DLG4: variants seen among roughly 807,000 people sequenced by gnomAD.
DLG4 encodes disks large homolog 4.
DLG4 carries 7 observed loss-of-function variants against 93.8 expected under a neutral mutation model. The observed-to-expected ratio is 0.07, with a 90% confidence interval of 0.04 to 0.14. The LOEUF is 0.14. Among genes scored for constraint, DLG4 ranks in the 10% least tolerant of loss-of-function variants. DLG4 has a pLI of 1.00. For synonymous variants in DLG4, 341 were observed against 387.6 expected (o/e 0.88, Z 1.41); for missense variants, 545 against 992.9 (o/e 0.55, Z 6.06).
chr17:7,194,422 C>T lies in DLG4; in HGVS notation c.1375G>A (p.Val459Met). The change falls in exon 12 of 20, where the codon GTG becomes ATG. Residue 459 changes from valine (V) to methionine (M), a missense_variant. By Grantham distance (21) the Val-to-Met change is conservative. Around this residue, in one of 5 missense-constraint regions of DLG4, gnomAD observed 428 missense variants for 741.4 expected, o/e 0.58. Coordinates refer to ENST00000399506, the MANE Select transcript of DLG4 (RefSeq NM_001321075.3). The surrounding 1 kb of genome is among the most constrained non-coding windows in gnomAD (Gnocchi z 4.4). The stretch of plus-strand genomic sequence containing the variant: ...TCACTAGCATCGATGACATGCAGCA[C>T]ATCCCCAAAGCGGAAGCTCAGGGCC... ...SQALSFRFGD[V>M]LHVIDASDEE... 6.2e-7 allele frequency: 1 copy of T among 1,612,730 alleles called. No homozygotes were observed. Among genetic ancestry groups the T allele is most frequent in the Non-Finnish European group, 8.5e-7 (1 of 1,179,436 alleles).
Position 7,194,157 on chromosome 17 carries a change from C to A in DLG4, c.1479-157G>T, listed in dbSNP as rs954950100. On this transcript the variant is annotated intron_variant, in intron 12 of 19. Transcript: ENST00000399506. The surrounding 1 kb of genome is among the most constrained non-coding windows in gnomAD (Gnocchi z 4.4). ...ACTGTGCTCCTCAATAAGGAGTTGTCCTTCCCAAAGGCTCATGGGAGCCAC... is the reference window on the plus strand; with the variant it reads ...ACTGTGCTCCTCAATAAGGAGTTGTACTTCCCAAAGGCTCATGGGAGCCAC... Among the ~76,000 whole-genome samples, 1 of 152,140 alleles carries A rather than the reference C, an allele frequency of 6.6e-6. No individual in the cohort carries two copies. Among genetic ancestry groups the A allele is most frequent in the African/African-American group, 2.4e-5 (1 of 41,434 alleles).
chr17:7,216,880 C>G (rs1030499689), intron 1 of DLG4, among the ~76,000 whole-genome samples: 4 of 152,068 alleles, frequency 2.6e-5, no homozygotes, highest in Non-Finnish European at 5.9e-5. Flanking sequence ...CCCCCCGAAC[C>G]ATGGAATATC....
At chr17:7,198,466 G>A (rs1356811987) in intron 8 of DLG4, among the ~76,000 whole-genome samples, 12 of 138,852 alleles carry the variant, frequency 8.6e-5, no homozygotes, top group Non-Finnish European at 1.7e-4. Context: ...CTGGGTGACA[G>A]AGCGAGACTC....
intron 8 of DLG4, among the ~76,000 whole-genome samples, chr17:7,197,696 G>A (rs747498577): frequency 6.6e-5 from 10 of 151,996 alleles, no homozygotes; most frequent in Non-Finnish European, 1.5e-4. Flanking sequence ...TGTTGTCCAG[G>A]CTGGTCTGGA....
Position 7,204,073 on chromosome 17 carries a change from C to T in DLG4, c.151-6G>A, listed in dbSNP as rs776122767. The T allele has an allele frequency of 1.1e-5, 17 of 1,607,350 alleles. No homozygotes were observed. Among genetic ancestry groups the T allele is most frequent in the Admixed American group, 1.7e-5 (1 of 58,870 alleles). On this transcript the variant is annotated splice_region_variant and splice_polypyrimidine_tract_variant and intron_variant, in intron 3 of 19. Coordinates refer to ENST00000399506, the MANE Select transcript of DLG4 (RefSeq NM_001321075.3). The stretch of plus-strand genomic sequence containing the variant: ...GTCCCGTTCACCTGCAACTCCAGCA[C>T]GGGACAGAAACACAAAAGCAGTGAG...
chr17:7,220,019 G>A (rs1198265143), upstream of DLG4: 1 of 1,605,298 alleles, frequency 6.2e-7, no homozygotes, highest in South Asian at 1.1e-5. Flanking sequence ...AGCTTGGGGC[G>A]GCAGCTGCTG....
At position 7,188,800 on chromosome 17, in the gene DLG4, C is replaced by T. The variant is rs77467215; in HGVS notation, c.*1908G>A. ...ACCCTCATTATTTACAAAGCTGCCT[C>T]AGATCTTTCCCATAGAGATAGGACA... On this transcript the variant is annotated 3_prime_UTR_variant, in exon 20 of 20. Transcript: ENST00000399506. 6.6e-6 allele frequency among the ~76,000 whole-genome samples: 1 copy of T among 152,106 alleles called. No homozygotes were observed. Among genetic ancestry groups the T allele is most frequent in the African/African-American group, 2.4e-5 (1 of 41,424 alleles).
chr17:7,202,125 G>T (rs2070169775), intron 8 of DLG4, among the ~76,000 whole-genome samples: 1 of 152,128 alleles, frequency 6.6e-6, no homozygotes, highest in Non-Finnish European at 1.5e-5. Context: ...ACCCAGTCTG[G>T]TGGGCAGTGG....
In DLG4 at chr17:7,203,597, G is replaced by A; in HGVS notation, c.336-4C>T. The A allele has an allele frequency of 6.2e-7, 1 of 1,609,516 alleles. No individual in the cohort carries two copies. Among genetic ancestry groups the A allele is most frequent in the Non-Finnish European group, 8.5e-7 (1 of 1,176,236 alleles). ...AAACAGGATGCTGTCGTTGACCCTG[G>A]GAGCAGCAAGGTGGGCCTGAGCCAA... is the stretch of plus-strand genomic sequence containing the variant. On this transcript the variant is annotated splice_polypyrimidine_tract_variant and splice_region_variant and intron_variant, in intron 5 of 19. Transcript: ENST00000399506. The surrounding 1 kb of genome is among the most constrained non-coding windows in gnomAD (Gnocchi z 7.2).
Position 7,191,853 on chromosome 17 carries a change from G to A in DLG4, c.1976+40C>T. The A allele has an allele frequency of 1.5e-6, 2 of 1,362,384 alleles. No homozygotes were observed. The highest frequency in any genetic ancestry group is 1.7e-5 in the South Asian group (1 of 58,032). 84.4% of individuals were successfully genotyped at this position (1,362,384 alleles called of 1,614,324 possible). ...CCTTGTGAGGCCCAGGGCCACAGGT[G>A]TTGGGGGAGCAAAGGGGAGGCCCCC... On this transcript the variant is annotated intron_variant, in intron 18 of 19. Coordinates refer to ENST00000399506, the MANE Select transcript of DLG4 (RefSeq NM_001321075.3). This position sits in a 1 kb window ranked among gnomAD's most constrained non-coding sequence, Gnocchi z 6.6.
intron 2 of DLG4, among the ~76,000 whole-genome samples, chr17:7,207,501 A>C (rs1352231113): frequency 6.6e-6 from 1 of 151,996 alleles, no homozygotes; most frequent in East Asian, 1.9e-4. Context: ...AGACTTGGGG[A>C]CAGGGCGAGC....
At chr17:7,218,789 T>C (rs747141713), upstream of DLG4, 22 of 1,612,664 alleles carry the variant, frequency 1.4e-5, no homozygotes, top group African/African-American at 2.7e-5. Flanking sequence ...GCCCCCCACT[T>C]CGCTCCCAGA....
intron 1 of DLG4, among the ~76,000 whole-genome samples, chr17:7,214,350 G>C (rs1181449567): frequency 6.6e-6 from 1 of 152,024 alleles, no homozygotes; most frequent in African/African-American, 2.4e-5. Context: ...CCAGCCCCAA[G>C]GTTCCTCCCC....
intron 1 of DLG4, among the ~76,000 whole-genome samples, chr17:7,209,175 G>T (rs1254142966): frequency 6.6e-6 from 1 of 152,154 alleles, no homozygotes; most frequent in Non-Finnish European, 1.5e-5. Context: ...GGCCCAACAT[G>T]ACCCCTGACT....
rs2069727098 is a variant in DLG4 at position 7,195,490 on chromosome 17, C to A, written c.1301+730G>T. ...CTGGCACAGCAAGATGGAACCCAGG[C>A]CCACAGCAGGATGATGAGCTCAGCG... On this transcript the variant is annotated intron_variant, in intron 11 of 19. Transcript: ENST00000399506. This position sits in a 1 kb window ranked among gnomAD's most constrained non-coding sequence, Gnocchi z 4.3. 6.6e-6 allele frequency among the ~76,000 whole-genome samples: 1 copy of A among 152,146 alleles called. No homozygotes were observed. The highest frequency in any genetic ancestry group is 2.4e-5 in the African/African-American group (1 of 41,436).
chr17:7,198,021 A>T (rs1452116488), intron 8 of DLG4, among the ~76,000 whole-genome samples: 1 of 152,202 alleles, frequency 6.6e-6, no homozygotes, highest in Non-Finnish European at 1.5e-5. Context: ...GTCAGGTAAG[A>T]TTAATGGTAG....
At chr17:7,216,623 C>A (rs2070928729) in intron 1 of DLG4, among the ~76,000 whole-genome samples, 1 of 152,144 alleles carries the variant, frequency 6.6e-6, no homozygotes, top group Admixed American at 6.5e-5. Context: ...TGAAGGCCCA[C>A]CCCTTCCCTG....
intron 8 of DLG4, among the ~76,000 whole-genome samples, chr17:7,198,709 G>A (rs1317005438): frequency 4.6e-5 from 7 of 151,658 alleles, no homozygotes; most frequent in East Asian, 1.9e-4. Context: ...TTAGCTGGGC[G>A]CAGTGGCAGG....
chr17:7,214,326 T>G (rs1228410176), intron 1 of DLG4, among the ~76,000 whole-genome samples: 1 of 152,042 alleles, frequency 6.6e-6, no homozygotes, highest in Non-Finnish European at 1.5e-5. Context: ...CCGCCCTCAT[T>G]TCGGTCAGGT....
Sources: gnomAD v4.1 joint callset for allele counts (sites outside exome capture counted in the v4.1 genomes callset) on GRCh38, gnomAD v4.1.1 for gene constraint, gnomAD v4.1.1 regional missense constraint, Gnocchi (gnomAD v3.1) non-coding constraint, MANE v1.5 for transcripts, NCBI Gene and HGNC (gene_info 2026-07-23, HGNC 2026-07-21) for gene names.